The following CTSF variants were observed in gnomAD, a reference collection of about 807,000 sequenced individuals.
CTSF encodes cathepsin F.
CTSF carries 65 observed loss-of-function variants against 63.5 expected under a neutral mutation model. That is an observed-to-expected ratio of 1.02 (90% CI 0.84 to 1.26). The LOEUF (loss-of-function observed/expected upper bound fraction) is 1.26, where lower values mean the gene tolerates loss of function less well. Ranked by LOEUF, CTSF falls within the 50% of genes most tolerant of loss-of-function variation. The pLI is 0.00. For missense variants in CTSF, 641 were observed against 631.0 expected (o/e 1.02, Z -0.17); for synonymous variants, 256 against 258.1 (o/e 0.99, Z 0.08).
chr11:66,565,079 C>T, intron 8 of CTSF, 73 bp from the exon 9 acceptor site: 1 of 1,507,684 alleles, frequency 6.6e-7, no homozygotes, highest in Non-Finnish European at 8.8e-7. Flanking sequence ...TGAACTAAGC[C>T]CTCTACGCGA....
chr11:66,565,002 C>A lies in CTSF; in HGVS notation c.1050G>T (p.Gly350=). 6.4e-7 allele frequency: 1 copy of A among 1,561,008 alleles called. No homozygotes were observed. The highest frequency in any genetic ancestry group is 8.7e-7 in the Non-Finnish European group (1 of 1,150,272). ...NAYSAIKNLG[G]LETEDDYSYQ... ...AGCTGTAGTCATCCTCTGTCTCCAG[C>A]CCTCCTGGGGAACGGTGGGGGTGAG... Residue 350 remains glycine, a synonymous_variant, in exon 9 of 13, where the codon GGG becomes GGT. Coordinates refer to ENST00000310325, the MANE Select transcript of CTSF (RefSeq NM_003793.4).
At chr11:66,565,175 G>A (rs1857902298) in intron 8 of CTSF, among the ~76,000 whole-genome samples, 169 bp from the exon 9 acceptor site, 1 of 152,188 alleles carries the variant, frequency 6.6e-6, no homozygotes, top group African/African-American at 2.4e-5. Flanking sequence ...TCTGAGGCTG[G>A]GAGAGATGGG....
In CTSF at chr11:66,565,744, C is replaced by A; in HGVS notation, c.972G>T (p.Leu324Phe). The A allele has an allele frequency of 6.2e-7, 1 of 1,613,882 alleles. No homozygotes were observed. Among genetic ancestry groups the A allele is most frequent in the South Asian group, 1.1e-5 (1 of 91,088 alleles). Residue 324 changes from leucine to phenylalanine, a missense_variant, in exon 8 of 13, where the codon TTG becomes TTT. Coordinates refer to ENST00000310325, the MANE Select transcript of CTSF (RefSeq NM_003793.4). ...TLLSLSEQEL[L>F]DCDKMDKACM... is the part of the protein sequence containing the mutation. Reference sequence around the variant, plus strand: ...AGGCCTTGTCCATCTTGTCACAGTCCAAGAGCTCTAGGAGACAGAAGGCTG... The same window carrying A: ...AGGCCTTGTCCATCTTGTCACAGTCAAAGAGCTCTAGGAGACAGAAGGCTG...
chr11:66,567,197 GA>G lies in CTSF; in HGVS notation c.607+48del, dbSNP rs772818345. The G allele has an allele frequency of 1.9e-5, 31 of 1,592,724 alleles. No homozygotes were observed. In the East Asian group the frequency reaches 6.7e-4, roughly 35 times the overall value. On this transcript the variant is annotated intron_variant, in intron 4 of 12. Transcript: ENST00000310325. ...ACACACCAAGGTGCCAAGTTGGGGG[GA>G]AAGTCCTGTTCTGATAGGAACAGGT... is the stretch of plus-strand genomic sequence containing the variant.
intron 1 of CTSF, 67 bp downstream of exon 1, chr11:66,568,207 A>C: frequency 6.5e-7 from 1 of 1,527,314 alleles, no homozygotes; most frequent in Non-Finnish European, 8.8e-7. Flanking sequence ...GCCCCATCCC[A>C]ATGTTAGGTC....
chr11:66,567,955 C>T lies in CTSF; in HGVS notation c.312+29G>A, dbSNP rs373797142. 8.3e-6 allele frequency: 13 copies of T among 1,566,956 alleles called. No homozygotes were observed. The South Asian group carries it at 1.3e-4, about 16-fold the overall frequency. On this transcript the variant is annotated intron_variant, in intron 2 of 12. Coordinates refer to ENST00000310325, the MANE Select transcript of CTSF (RefSeq NM_003793.4). ...ACTGCTGCTTTACTCGGCCTCGGGG[C>T]GGGGAACCCCAAGAGCCTCATCACT...
rs369416976 is a variant in CTSF at position 66,567,483 on chromosome 11, G to A, written c.492C>T (p.Ser164=). 4 of 1,614,204 alleles carry A rather than the reference G, an allele frequency of 2.5e-6. No individual in the cohort carries two copies. Among genetic ancestry groups the A allele is most frequent in the Non-Finnish European group, 3.4e-6 (4 of 1,180,040 alleles). The change falls in exon 3 of 13, where the codon AGC becomes AGT. Residue 164 remains serine, a synonymous_variant. Transcript: ENST00000310325. ...CCTCATTCAACAGGGAAATGACTGA[G>A]CTGAAAGTCTCGTTTCTGTTGTCTG... The part of the protein sequence containing the change: ...NHPDNRNETF[S]SVISLLNEDP...
In CTSF at chr11:66,568,272, A is replaced by T. The variant is rs1353376058; in HGVS notation, c.213+2T>A. ...GCGCCCCCGCCCCCGGCGCGTCCTC[A>T]CCCGGCGGACGCGGCCGCGCACAAG... is the stretch of plus-strand genomic sequence containing the variant. On this transcript the variant is annotated splice_donor_variant, in intron 1 of 12. Coordinates refer to ENST00000310325, the MANE Select transcript of CTSF (RefSeq NM_003793.4). LOFTEE classifies it high-confidence loss of function. 1 of 1,502,634 alleles carries T rather than the reference A, an allele frequency of 6.7e-7. No homozygotes were observed. Among genetic ancestry groups the T allele is most frequent in the Admixed American group, 2.1e-5 (1 of 46,780 alleles). 93.1% of individuals were successfully genotyped at this position (1,502,634 alleles called of 1,614,324 possible).
chr11:66,567,599 G>C lies in CTSF; in HGVS notation c.376C>G (p.Pro126Ala). 6.2e-7 allele frequency: 1 copy of C among 1,614,182 alleles called. No individual in the cohort carries two copies. Among genetic ancestry groups the C allele is most frequent in the Middle Eastern group, 1.6e-4 (1 of 6,062 alleles). ...RHVLLRKDCG[P>A]VDTKVPGAGE... ...GCACCTGGAACCTTGGTGTCCACTGGGCCACAGTCCTTCCGCAGCAGCACG... is the reference window on the plus strand; with the variant it reads ...GCACCTGGAACCTTGGTGTCCACTGCGCCACAGTCCTTCCGCAGCAGCACG... The change falls in exon 3 of 13, where the codon CCA becomes GCA. Residue 126 changes from proline (P) to alanine (A), a missense_variant. Physicochemically the swap from Pro to Ala is conservative, Grantham distance 27. Transcript: ENST00000310325.
Position 66,567,504 on chromosome 11 carries a change from G to A in CTSF, c.471C>T (p.Asp157=). 6.2e-7 allele frequency: 1 copy of A among 1,614,228 alleles called. No individual in the cohort carries two copies. Among genetic ancestry groups the A allele is most frequent in the Admixed American group, 1.7e-5 (1 of 60,032 alleles). Residue 157 remains aspartate (D), a synonymous_variant, in exon 3 of 13, where the codon GAC becomes GAT. Coordinates refer to ENST00000310325, the MANE Select transcript of CTSF (RefSeq NM_003793.4). The stretch of plus-strand genomic sequence containing the variant: ...CTGAGCTGAAAGTCTCGTTTCTGTT[G>A]TCTGGATGGTTTTGGGACAGAGAAG... ...MISSLSQNHP[D]NRNETFSSVI... is the part of the protein sequence containing the mutation.
At position 66,564,593 on chromosome 11, in the gene CTSF, A is replaced by G. The variant is rs772030326; in HGVS notation, c.1286T>C (p.Ile429Thr). ...PLRPLCSPWL[I>T]DHAVLLVGYG... ...GCCCACAAGCAACACCGCATGGTCA[A>G]TGAGCCAAGGGCTGCAGAGGGGCCG... The change falls in exon 11 of 13, where the codon ATT (isoleucine) becomes ACT (threonine). Residue 429 changes from isoleucine (I) to threonine (T), a missense_variant. By Grantham distance (89) the Ile-to-Thr change is moderately conservative. Transcript: ENST00000310325. 6.3e-7 allele frequency: 1 copy of G among 1,590,876 alleles called. No homozygotes were observed. Among genetic ancestry groups the G allele is most frequent in the Non-Finnish European group, 8.6e-7 (1 of 1,169,206 alleles).
intron 8 of CTSF, 129 bp downstream of exon 8, chr11:66,565,542 G>C: frequency 7.6e-7 from 1 of 1,316,126 alleles, no homozygotes; most frequent in South Asian, 1.3e-5. Context: ...ACGCCTGGCT[G>C]GGTCAGCATT....
At position 66,566,144 on chromosome 11, in the gene CTSF, G is replaced by C; in HGVS notation, c.745C>G (p.Leu249Val). ...LTEEEFRTIY[L>V]NTLLRKEPGN... ...GGCTCTTTCCTCAGGAGAGTATTCAGGTAGATAGTGCGGAACTCCTCCTCT... is the reference window on the plus strand; with the variant it reads ...GGCTCTTTCCTCAGGAGAGTATTCACGTAGATAGTGCGGAACTCCTCCTCT... Residue 249 changes from leucine to valine, a missense_variant, in exon 6 of 13, where the codon CTG becomes GTG. Transcript: ENST00000310325. The C allele has an allele frequency of 1.2e-6, 2 of 1,614,158 alleles. No individual in the cohort carries two copies. The highest frequency in any genetic ancestry group is 1.7e-6 in the Non-Finnish European group (2 of 1,180,026).
chr11:66,565,690 G>T lies in CTSF; in HGVS notation c.1026C>A (p.Tyr342Ter), dbSNP rs762134997. 6.2e-7 allele frequency: 1 copy of T among 1,613,594 alleles called. No homozygotes were observed. Among genetic ancestry groups the T allele is most frequent in the Admixed American group, 1.7e-5 (1 of 60,030 alleles). The change falls in exon 8 of 13, where the codon TAC becomes TAA. Residue 342 changes from tyrosine to a stop codon, truncating the protein, a stop_gained. Transcript: ENST00000310325. LOFTEE classifies it high-confidence loss of function. ...GCATACCCAAATTCTTTATGGCCGA[G>T]TAGGCATTGGAGGGCAAGCCGCCCA... ...ACMGGLPSNA[Y>*]SAIKNLGGLE...
At chr11:66,564,329 G>C in intron 11 of CTSF, 183 bp from the exon 12 acceptor site, 1 of 811,488 alleles carries the variant, frequency 1.2e-6, no homozygotes, top group African/African-American at 1.7e-5. Flanking sequence ...GAGGAAGCAC[G>C]CACCCACCCG....
At position 66,564,016 on chromosome 11, in the gene CTSF, G is replaced by C. The variant is rs1857868988; in HGVS notation, c.1381-9C>G. On this transcript the variant is annotated splice_polypyrimidine_tract_variant and intron_variant, in intron 12 of 12. Transcript: ENST00000310325. Reference sequence around the variant, plus strand: ...TGCAAGTAGTAGTAACCCTGGGGGAGAGGGGGAGCTGGTGAGGGCACCAGG... The same window carrying C: ...TGCAAGTAGTAGTAACCCTGGGGGACAGGGGGAGCTGGTGAGGGCACCAGG... 1 of 1,613,868 alleles carries C rather than the reference G, an allele frequency of 6.2e-7. No homozygotes were observed. The highest frequency in any genetic ancestry group is 8.5e-7 in the Non-Finnish European group (1 of 1,179,930).
chr11:66,566,272 C>CT lies in CTSF; in HGVS notation c.721+18dup. On this transcript the variant is annotated intron_variant, in intron 5 of 12. Coordinates refer to ENST00000310325, the MANE Select transcript of CTSF (RefSeq NM_003793.4). Reference sequence around the variant, plus strand: ...CTGTCTCTTCCTGGATCCATGAGGACTGTGGCCACTATCCCTACCTGTGAG... The same window carrying CT: ...CTGTCTCTTCCTGGATCCATGAGGACTTGTGGCCACTATCCCTACCTGTGAG... The CT allele has an allele frequency of 6.2e-7, 1 of 1,614,090 alleles. No homozygotes were observed. Among genetic ancestry groups the CT allele is most frequent in the South Asian group, 1.1e-5 (1 of 91,076 alleles).
rs1857973558 is a variant in CTSF at position 66,568,046 on chromosome 11, G to A, written c.250C>T (p.Leu84=). 1 of 1,603,644 alleles carries A rather than the reference G, an allele frequency of 6.2e-7. No homozygotes were observed. The highest frequency in any genetic ancestry group is 1.1e-5 in the South Asian group (1 of 90,212). ...QGSLYSLEAT[L]EEPPCNDPMV... Reference sequence around the variant, plus strand: ...GGGTCGTTGCAGGGTGGCTCCTCCAGGGTGGCCTCCAGGGAGTACAGCGAC... The same window carrying A: ...GGGTCGTTGCAGGGTGGCTCCTCCAAGGTGGCCTCCAGGGAGTACAGCGAC... The change falls in exon 2 of 13, where the codon CTG becomes TTG. Residue 84 remains leucine, a synonymous_variant. Coordinates refer to ENST00000310325, the MANE Select transcript of CTSF (RefSeq NM_003793.4).
rs747813930 is a variant in CTSF, at chr11:66,566,414, A to G, written c.608-10T>C. ...AGGCGCCACCGGGCTTCTGAGGACC[A>G]AGGAGCAGAAGAGGAGGGGTTCGAC... On this transcript the variant is annotated splice_polypyrimidine_tract_variant and intron_variant, in intron 4 of 12. Coordinates refer to ENST00000310325, the MANE Select transcript of CTSF (RefSeq NM_003793.4). 1 of 1,613,362 alleles carries G rather than the reference A, an allele frequency of 6.2e-7. No individual in the cohort carries two copies. Among genetic ancestry groups the G allele is most frequent in the Non-Finnish European group, 8.5e-7 (1 of 1,179,740 alleles).
Sources: allele counts gnomAD v4.1 joint callset (sites outside exome capture counted in the v4.1 genomes callset), GRCh38; gene constraint gnomAD v4.1.1; transcripts MANE v1.5; gene names NCBI Gene and HGNC (gene_info 2026-07-23, HGNC 2026-07-21).